Variants in SMAD3 observed in about 807,000 individuals in gnomAD.
The protein encoded by SMAD3 is MAD homolog 3.
A neutral mutation model predicts 51.8 loss-of-function variants in SMAD3; 12 were observed. The observed-to-expected ratio is 0.23, with a 90% CI of 0.15 to 0.38. The LOEUF is 0.38. Among genes scored for constraint, SMAD3 ranks in the 10% least tolerant of loss-of-function variants. The pLI, the probability that SMAD3 is intolerant of heterozygous loss-of-function variation, is 1.00. For missense variants in SMAD3, 294 were observed against 565.6 expected (o/e 0.52, Z 4.87); for synonymous variants, 238 against 227.7 (o/e 1.05, Z -0.41).
rs552460035 is a variant in SMAD3 at position 67,070,496 on chromosome 15, C to T, written c.206+4136C>T. On this transcript the variant is annotated intron_variant, in intron 1 of 8. Transcript: ENST00000327367. ...TTGATTTATTGATATTTATTGGACC[C>T]TCCCATGTCTGAGTCAATTTTTTAG... is the stretch of plus-strand genomic sequence containing the variant. Among the ~76,000 whole-genome samples the T allele has an allele frequency of 1.6e-3, 241 of 152,150 alleles. 1 individual carries two copies. The highest frequency in any genetic ancestry group is 5.5e-3 in the African/African-American group (227 of 41,488).
Position 67,118,125 on chromosome 15 carries a change from C to A in SMAD3, c.207-46770C>A, listed in dbSNP as rs539059287. On this transcript the variant is annotated intron_variant, in intron 1 of 8. Coordinates refer to ENST00000327367, the MANE Select transcript of SMAD3 (RefSeq NM_005902.4). ...AAAAAGAGAGAGTCTGAAATTCATT[C>A]TTTCAACATGCTTGTGTTGGGTGCT... Among the ~76,000 whole-genome samples the A allele has an allele frequency of 5.3e-5, 8 of 152,266 alleles. No homozygotes were observed. The South Asian group carries it at 1.7e-3, about 32-fold the overall frequency.
At chr15:67,124,485 AC>A (rs1961339704) in intron 1 of SMAD3, among the ~76,000 whole-genome samples, 1 of 152,126 alleles carries the variant, frequency 6.6e-6, no homozygotes, top group Non-Finnish European at 1.5e-5. Context: ...GAGAAGATGG[AC>A]TTGTTGAGGA....
At chr15:67,177,783 G>T (rs1363303676) in intron 5 of SMAD3, among the ~76,000 whole-genome samples, 2 of 151,944 alleles carry the variant, frequency 1.3e-5, no homozygotes, top group African/African-American at 4.8e-5. Flanking sequence ...GAACCCACAG[G>T]TGGTGACCAT....
At chr15:67,142,010 A>C (rs12915039) in intron 1 of SMAD3, among the ~76,000 whole-genome samples, 32,579 of 152,070 alleles carry the variant, frequency 0.21, 3,959 homozygotes, top group South Asian at 0.37. Context: ...TACAAACCTC[A>C]CAGGCTTGTT....
At chr15:67,146,630 C>G (rs577567711) in intron 1 of SMAD3, among the ~76,000 whole-genome samples, 59 of 152,234 alleles carry the variant, frequency 3.9e-4, no homozygotes, top group Middle Eastern at 3.4e-3. Flanking sequence ...GACATTGTCT[C>G]TGTGTTTTAT....
Position 67,099,153 on chromosome 15 carries a change from T to C in SMAD3, c.206+32793T>C, listed in dbSNP as rs565696782. 6.3e-6 allele frequency: 4 copies of C among 638,918 alleles called. No individual in the cohort carries two copies. In the Admixed American group the frequency reaches 6.6e-5, roughly 11 times the overall value. The allele number at this position is 638,918 out of a possible 1,614,324, so 39.6% of individuals were successfully genotyped here. ...TGACATGAGAAGAAGTAGCCGCTCTTGTTCACAGTCACAGGGCTGGAAAGT... is the reference window on the plus strand; with the variant it reads ...TGACATGAGAAGAAGTAGCCGCTCTCGTTCACAGTCACAGGGCTGGAAAGT... On this transcript the variant is annotated intron_variant, in intron 1 of 8. Coordinates refer to ENST00000327367, the MANE Select transcript of SMAD3 (RefSeq NM_005902.4).
At chr15:67,133,520 T>C (rs775702001) in intron 1 of SMAD3, among the ~76,000 whole-genome samples, 2 of 152,014 alleles carry the variant, frequency 1.3e-5, no homozygotes, top group Admixed American at 6.5e-5. Flanking sequence ...TGGAGCCAAA[T>C]CTGAAATTAA....
At chr15:67,178,927 G>GA (rs1962978327) in intron 5 of SMAD3, among the ~76,000 whole-genome samples, 1 of 152,110 alleles carries the variant, frequency 6.6e-6, no homozygotes, top group African/African-American at 2.4e-5. Context: ...CAGGAAGAGA[G>GA]AAAACGACAA....
At chr15:67,146,633 T>A (rs2140271763) in intron 1 of SMAD3, among the ~76,000 whole-genome samples, 1 of 152,242 alleles carries the variant, frequency 6.6e-6, no homozygotes, top group East Asian at 1.9e-4. Flanking sequence ...ATTGTCTCTG[T>A]GTTTTATATT....
intron 1 of SMAD3, chr15:67,138,228 G>A (rs1157420566): frequency 7.0e-6 from 5 of 714,758 alleles, no homozygotes; most frequent in Non-Finnish European, 1.2e-5. Flanking sequence ...TGGGGATGTG[G>A]ACTCTTAGGA....
chr15:67,160,098 A>G (rs897585541), intron 1 of SMAD3, among the ~76,000 whole-genome samples: 4 of 152,228 alleles, frequency 2.6e-5, no homozygotes, highest in South Asian at 2.1e-4. Flanking sequence ...GAATATCCCA[A>G]TTACCCAGAT....
rs150929709 is a variant in SMAD3 at position 67,076,501 on chromosome 15, C to T, written c.206+10141C>T. Reference sequence around the variant, plus strand: ...CTTCCGGCTCCCCCTCAAGTACTAGCTTACTGGTTAGGTGGGCTGTTGAGT... The same window carrying T: ...CTTCCGGCTCCCCCTCAAGTACTAGTTTACTGGTTAGGTGGGCTGTTGAGT... On this transcript the variant is annotated intron_variant, in intron 1 of 8. Coordinates refer to ENST00000327367, the MANE Select transcript of SMAD3 (RefSeq NM_005902.4). Among the ~76,000 whole-genome samples, 601 of 152,256 alleles carry T rather than the reference C, an allele frequency of 3.9e-3. 4 individuals carry two copies. The highest frequency in any genetic ancestry group is 6.8e-3 in the Non-Finnish European group (463 of 68,014).
chr15:67,187,000 C>T (rs1268448969), intron 7 of SMAD3: 1 of 468,506 alleles, frequency 2.1e-6, no homozygotes, highest in Non-Finnish European at 4.2e-6. Flanking sequence ...TCTCTCTGTC[C>T]CCTGGTCCCT....
chr15:67,185,517 C>T (rs1482259172), intron 7 of SMAD3, among the ~76,000 whole-genome samples: 3 of 152,100 alleles, frequency 2.0e-5, no homozygotes, highest in Non-Finnish European at 4.4e-5. Context: ...GGAGGAGGGT[C>T]ATGTATGAGA....
At chr15:67,076,389 C>T (rs1960170701) in intron 1 of SMAD3, among the ~76,000 whole-genome samples, 1 of 152,214 alleles carries the variant, frequency 6.6e-6, no homozygotes, top group Non-Finnish European at 1.5e-5. Context: ...GACTCACGCG[C>T]CTGTCACTGA....
intron 4 of SMAD3, among the ~76,000 whole-genome samples, chr15:67,168,290 T>C (rs1364627140): frequency 6.6e-6 from 1 of 152,178 alleles, no homozygotes. Context: ...GCATGTACAT[T>C]GTAGTTGCTG....
At chr15:67,127,819 G>A (rs1273356803) in intron 1 of SMAD3, among the ~76,000 whole-genome samples, 1 of 152,214 alleles carries the variant, frequency 6.6e-6, no homozygotes, top group Non-Finnish European at 1.5e-5. Flanking sequence ...CATGTCCAAG[G>A]CTAGAGTGGA....
At chr15:67,167,809 G>T (rs1158031186) in intron 4 of SMAD3, among the ~76,000 whole-genome samples, 1 of 152,192 alleles carries the variant, frequency 6.6e-6, no homozygotes, top group Non-Finnish European at 1.5e-5. Context: ...ACTGAGTTGT[G>T]TGTGGTTGGG....
intron 1 of SMAD3, among the ~76,000 whole-genome samples, chr15:67,153,594 C>G (rs895976917): frequency 1.3e-5 from 2 of 152,120 alleles, no homozygotes; most frequent in African/African-American, 4.8e-5. Context: ...GATTTGCCCC[C>G]CAGGGGACAT....
Sources: allele counts gnomAD v4.1 joint callset (sites outside exome capture counted in the v4.1 genomes callset), GRCh38; gene constraint gnomAD v4.1.1; transcripts MANE v1.5; gene names NCBI Gene and HGNC (gene_info 2026-07-23, HGNC 2026-07-21).